PDE10A: variants seen among roughly 807,000 people sequenced by gnomAD.
The protein encoded by PDE10A is phosphodiesterase 10A.
Under a neutral mutation model 97.7 loss-of-function variants are expected in PDE10A, and 39 were observed. The ratio of observed to expected loss-of-function variants is 0.40; its 90% confidence interval spans 0.31 to 0.52. The LOEUF is 0.52. Among genes scored for constraint, PDE10A ranks in the 20% least tolerant of loss-of-function variants. The pLI is 0.56. For missense variants in PDE10A, 731 were observed against 1,047.8 expected (o/e 0.70, Z 4.17); for synonymous variants, 371 against 376.8 (o/e 0.98, Z 0.18).
chr6:165,452,705 T>C (rs1777700136), intron 3 of PDE10A, among the ~76,000 whole-genome samples: 1 of 152,162 alleles, frequency 6.6e-6, no homozygotes, highest in African/African-American at 2.4e-5. Flanking sequence ...GATACTCTAT[T>C]ACAGCAGCAC....
At chr6:165,833,357 G>A (rs1309778400) in intron 1 of PDE10A, among the ~76,000 whole-genome samples, 1 of 152,236 alleles carries the variant, frequency 6.6e-6, no homozygotes, top group Non-Finnish European at 1.5e-5. Context: ...AGTCCCTACT[G>A]TTCTAGGTGT....
chr6:165,432,983 A>T lies in PDE10A; in HGVS notation c.1482T>A (p.Ser494Arg). ...RHWGKEAFCL[S>R]HQEVATANLA... ...CATTTAAAGGCCTTACCTCCTGGTG[A>T]CTAAGACAGAAGGCTTCTTTGCCCC... is the stretch of plus-strand genomic sequence containing the variant. The change falls in exon 7 of 22, where the codon AGT becomes AGA. Residue 494 changes from serine (S) to arginine (R), a missense_variant. Transcript: ENST00000539869. The T allele has an allele frequency of 6.2e-7, 1 of 1,613,822 alleles. No individual in the cohort carries two copies. The highest frequency in any genetic ancestry group is 8.5e-7 in the Non-Finnish European group (1 of 1,179,808).
In PDE10A at chr6:165,333,039, C is replaced by T. The variant is rs753303000; in HGVS notation, c.3154G>A (p.Ala1052Thr). The change falls in exon 22 of 22, where the codon GCA becomes ACA. Residue 1052 changes from alanine to threonine, a missense_variant. This residue lies in a region of PDE10A where 34 missense variants were observed against 29.7 expected (regional missense o/e 1.14). Coordinates refer to ENST00000539869, the MANE Select transcript of PDE10A (RefSeq NM_001385079.1). Reference sequence around the variant, plus strand: ...GTGACCAGTGCTCAATCTTCAGATGCAGCTGCCTTCTGAGCCACGGATGGG... The same window carrying T: ...GTGACCAGTGCTCAATCTTCAGATGTAGCTGCCTTCTGAGCCACGGATGGG... ...SSPSVAQKAA[A>T]SED 3.1e-6 allele frequency: 5 copies of T among 1,602,200 alleles called. No homozygotes were observed. Among genetic ancestry groups the T allele is most frequent in the Non-Finnish European group, 4.3e-6 (5 of 1,170,104 alleles).
At position 165,332,656 on chromosome 6, in the gene PDE10A, T is replaced by C. The variant is rs1340177370; in HGVS notation, c.*369A>G. The C allele has an allele frequency of 9.2e-6, 2 of 217,280 alleles. No homozygotes were observed. Among genetic ancestry groups the C allele is most frequent in the Non-Finnish European group, 1.8e-5 (2 of 109,772 alleles). The allele number at this position is 217,280 out of a possible 1,614,324, so 13.5% of individuals were successfully genotyped here. ...AAGTACAATACCATAATAGTACCAT[T>C]TTAAACCCTTATTAGAAAGATACAA... On this transcript the variant is annotated 3_prime_UTR_variant, in exon 22 of 22. Transcript: ENST00000539869.
chr6:165,358,256 T>C (rs1783160356), intron 18 of PDE10A, among the ~76,000 whole-genome samples: 1 of 151,678 alleles, frequency 6.6e-6, no homozygotes, highest in Non-Finnish European at 1.5e-5. Context: ...CTTAGCGAAC[T>C]TTTACATAGT....
intron 1 of PDE10A, among the ~76,000 whole-genome samples, chr6:165,980,697 G>A (rs1045949717): frequency 1.3e-5 from 2 of 152,200 alleles, no homozygotes; most frequent in African/African-American, 4.8e-5. Flanking sequence ...TTTGGGGTTG[G>A]AGGAGGACTT....
At chr6:165,943,190 AGAAAGAAAG>A (rs1562809525) in intron 1 of PDE10A, among the ~76,000 whole-genome samples, 48 of 50,718 alleles carry the variant, frequency 9.5e-4, no homozygotes, top group South Asian at 5.7e-3. Context: ...AAAGAAAGAA[AGAAAGAAAG>A]AAAGAAAGAA....
chr6:165,902,727 G>A (rs1292723515), intron 1 of PDE10A, among the ~76,000 whole-genome samples: 4 of 152,206 alleles, frequency 2.6e-5, no homozygotes, highest in African/African-American at 9.7e-5. Flanking sequence ...CCAGTGGAAT[G>A]TCAGTGGAGG....
rs147733679 is a variant in PDE10A at position 165,597,117 on chromosome 6, T to C, written c.866-53549A>G. Among the ~76,000 whole-genome samples, 447 of 152,250 alleles carry C rather than the reference T, an allele frequency of 2.9e-3. 2 individuals carry two copies. Among genetic ancestry groups the C allele is most frequent in the African/African-American group, 0.01 (428 of 41,556 alleles). On this transcript the variant is annotated intron_variant, in intron 1 of 21. Transcript: ENST00000539869. ...CACATATTTTCCTGATTTATTTCTG[T>C]CTTACCCCTCCTCTCCTTTAATGCA...
chr6:165,777,517 G>C (rs975071403), intron 1 of PDE10A, among the ~76,000 whole-genome samples: 1 of 152,078 alleles, frequency 6.6e-6, no homozygotes, highest in South Asian at 2.1e-4. Flanking sequence ...CCCATCTCTA[G>C]GAAGGACAGA....
At chr6:165,883,795 A>C (rs561364656) in intron 1 of PDE10A, among the ~76,000 whole-genome samples, 1 of 152,244 alleles carries the variant, frequency 6.6e-6, no homozygotes, top group East Asian at 1.9e-4. Flanking sequence ...AACAGTCAGC[A>C]CTGATCTACC....
At chr6:165,953,622 G>A (rs910384641) in intron 1 of PDE10A, among the ~76,000 whole-genome samples, 5 of 152,158 alleles carry the variant, frequency 3.3e-5, no homozygotes, top group Non-Finnish European at 7.4e-5. Flanking sequence ...CTATTTTTTA[G>A]AGAAGTTTTA....
At position 165,370,992 on chromosome 6, in the gene PDE10A, C is replaced by T. The variant is rs1333859707; in HGVS notation, c.2783+8202G>A. Among the ~76,000 whole-genome samples the T allele has an allele frequency of 6.0e-4, 79 of 131,956 alleles. 1 individual carries two copies. The highest frequency in any genetic ancestry group is 1.7e-3 in the African/African-American group (54 of 32,242). 86.6% of individuals were successfully genotyped at this position (131,956 alleles called of 152,430 possible). On this transcript the variant is annotated intron_variant, in intron 18 of 21. Coordinates refer to ENST00000539869, the MANE Select transcript of PDE10A (RefSeq NM_001385079.1). ...TCCTGAATGACTACTGGGTACATAA[C>T]GAAATGAAGGCAGAAATAAAGATGT...
Position 165,617,753 on chromosome 6 carries a change from G to A in PDE10A, c.865+44194C>T, listed in dbSNP as rs147888164. ...GACTAAATCACTGGGACTGAGCAAA[G>A]ATAAAGGTTATCACACACAACATCA... On this transcript the variant is annotated intron_variant, in intron 1 of 21. Coordinates refer to ENST00000539869, the MANE Select transcript of PDE10A (RefSeq NM_001385079.1). Among the ~76,000 whole-genome samples the A allele has an allele frequency of 2.8e-3, 425 of 152,250 alleles. 3 individuals carry two copies. Among genetic ancestry groups the A allele is most frequent in the Non-Finnish European group, 4.9e-3 (331 of 68,016 alleles).
chr6:165,433,170 T>C (rs79469867), intron 6 of PDE10A, 41 bp from the exon 7 acceptor site: 196,913 of 1,485,422 alleles, frequency 0.13, 14,800 homozygotes, highest in Middle Eastern at 0.21. Flanking sequence ...TTCAGTGAAA[T>C]GATCATTAAG....
chr6:165,809,761 C>G (rs1238948277), intron 1 of PDE10A, among the ~76,000 whole-genome samples: 1 of 152,174 alleles, frequency 6.6e-6, no homozygotes, highest in Non-Finnish European at 1.5e-5. Flanking sequence ...CCCAGCCCTC[C>G]TAGTGGGTGA....
chr6:165,943,211 GAAAGAAAGAAAGAAAGAAA>G (rs1562809618), intron 1 of PDE10A, among the ~76,000 whole-genome samples: 5 of 75,214 alleles, frequency 6.6e-5, no homozygotes, highest in Non-Finnish European at 1.0e-4. Flanking sequence ...AAGAAAGAAA[GAAAGAAAGAAAGAAAGAAA>G]GAAAGAAGGA....
intron 5 of PDE10A, 109 bp downstream of exon 5, chr6:165,448,819 T>C: frequency 1.5e-6 from 1 of 689,156 alleles, no homozygotes; most frequent in Admixed American, 2.7e-5. Context: ...CACAAAATGA[T>C]TTAAATGAAA....
intron 1 of PDE10A, among the ~76,000 whole-genome samples, chr6:165,938,101 C>G (rs1277683131): frequency 6.6e-6 from 1 of 152,224 alleles, no homozygotes; most frequent in Non-Finnish European, 1.5e-5. Context: ...GCATTTTACT[C>G]TCCCCAGCAA....
Sources: allele counts gnomAD v4.1 joint callset (sites outside exome capture counted in the v4.1 genomes callset), GRCh38; gene constraint gnomAD v4.1.1; regional missense constraint gnomAD v4.1.1; transcripts MANE v1.5; gene names NCBI Gene and HGNC (gene_info 2026-07-23, HGNC 2026-07-21).